Variants in PLCE1 observed in about 807,000 individuals in gnomAD.
PLCE1 encodes phospholipase C epsilon 1.
PLCE1 carries 119 observed loss-of-function variants against 242.8 expected under a neutral mutation model. That is an observed-to-expected ratio of 0.49 (90% confidence interval 0.42 to 0.57). The LOEUF (loss-of-function observed/expected upper bound fraction) is 0.57, where lower values mean the gene tolerates loss of function less well. Ranked by LOEUF, PLCE1 falls within the 20% of genes least tolerant of loss-of-function variation. The pLI is 0.00. For synonymous variants in PLCE1, 945 were observed against 1,017.4 expected, an observed-to-expected ratio of 0.93 and a Z score of 1.35; for missense variants, 2,441 against 2,788.8, an observed-to-expected ratio of 0.88 and a Z score of 2.81.
chr10:94,021,022 G>T (rs2061366847), intron 1 of PLCE1, among the ~76,000 whole-genome samples: 1 of 151,912 alleles, frequency 6.6e-6, no homozygotes, highest in African/African-American at 2.4e-5. Context: ...GTAGAGATGG[G>T]GTTTCACTAT....
chr10:94,282,421 T>A (rs905233434), intron 20 of PLCE1, among the ~76,000 whole-genome samples: 2 of 152,076 alleles, frequency 1.3e-5, no homozygotes, highest in Admixed American at 1.3e-4. Flanking sequence ...GCAGACAAAT[T>A]TGAATTTACA....
rs917645261 is a variant in PLCE1 at position 94,331,189 on chromosome 10, A to G, written c.*3246A>G. ...CTCAACAAAAGTTGAGTTACAAGTG[A>G]CTTGTTTTTAATCAAACTTGCTTTC... On this transcript the variant is annotated 3_prime_UTR_variant, in exon 33 of 33. Coordinates refer to ENST00000371380, the MANE Select transcript of PLCE1 (RefSeq NM_016341.4). 2 of 152,196 alleles carry G rather than the reference A, an allele frequency of 1.3e-5. No individual in the cohort carries two copies. The highest frequency in any genetic ancestry group is 4.8e-5 in the African/African-American group (2 of 41,432). The allele number at this position is 152,196 out of a possible 1,614,324, so 9.4% of individuals were successfully genotyped here.
intron 6 of PLCE1, among the ~76,000 whole-genome samples, chr10:94,234,755 T>G (rs1219387511): frequency 6.6e-6 from 1 of 152,072 alleles, no homozygotes; most frequent in African/African-American, 2.4e-5. Flanking sequence ...TGGAGACGCA[T>G]GTAGAGACAA....
chr10:94,276,151 G>A (rs1329287721), intron 19 of PLCE1, among the ~76,000 whole-genome samples: 1 of 152,174 alleles, frequency 6.6e-6, no homozygotes, highest in East Asian at 1.9e-4. Context: ...ACATGGAGAG[G>A]CCTGTGCCCT....
chr10:94,022,966 C>G (rs2061398356), intron 1 of PLCE1, among the ~76,000 whole-genome samples: 1 of 152,138 alleles, frequency 6.6e-6, no homozygotes, highest in South Asian at 2.1e-4. Context: ...TTTATAAAAC[C>G]CTTTCAGTTT....
intron 2 of PLCE1, among the ~76,000 whole-genome samples, chr10:94,033,346 G>A (rs2061600357): frequency 6.6e-6 from 1 of 151,888 alleles, no homozygotes; most frequent in Non-Finnish European, 1.5e-5. Context: ...TTTTAGCACT[G>A]TAAATTCCAT....
intron 30 of PLCE1, 74 bp downstream of exon 30, chr10:94,322,133 T>C: frequency 7.3e-7 from 1 of 1,376,530 alleles, no homozygotes; most frequent in African/African-American, 1.4e-5. Context: ...TGTGCACTGA[T>C]GGCTCATTTT....
rs2049281445 is a variant in PLCE1, at chr10:94,210,028, A to G, written c.1810-17278A>G. Among the ~76,000 whole-genome samples, 4 of 152,218 alleles carry G rather than the reference A, an allele frequency of 2.6e-5. No individual in the cohort carries two copies. In the South Asian group the frequency reaches 8.3e-4, roughly 32 times the overall value. ...TTAAAGCCAGCACCTCTGACTTCAC[A>G]CCTGGCCTACCCTACGCATCTAGTA... On this transcript the variant is annotated intron_variant, in intron 4 of 32. Coordinates refer to ENST00000371380, the MANE Select transcript of PLCE1 (RefSeq NM_016341.4).
At chr10:94,066,579 T>A (rs2044201532) in intron 2 of PLCE1, among the ~76,000 whole-genome samples, 1 of 152,094 alleles carries the variant, frequency 6.6e-6, no homozygotes, top group South Asian at 2.1e-4. Flanking sequence ...TGTGCGTTAG[T>A]TCAGGACCAA....
In PLCE1 at chr10:94,329,592, A is replaced by G. The variant is rs1337836655; in HGVS notation, c.*1649A>G. On this transcript the variant is annotated 3_prime_UTR_variant, in exon 33 of 33. Coordinates refer to ENST00000371380, the MANE Select transcript of PLCE1 (RefSeq NM_016341.4). ...ACAGAGAATGAGGCCATCCTGGCCA[A>G]CATGGTGAAACCCAATCTCTACTAA... is the stretch of plus-strand genomic sequence containing the variant. 6.6e-6 allele frequency: 1 copy of G among 152,128 alleles called. No individual in the cohort carries two copies. The highest frequency in any genetic ancestry group is 6.5e-5 in the Admixed American group (1 of 15,284). The allele number at this position is 152,128 out of a possible 1,614,324, so 9.4% of individuals were successfully genotyped here. A position where few individuals can be genotyped will look rare whatever the true frequency, so the allele number is the denominator to read the frequency against.
intron 2 of PLCE1, among the ~76,000 whole-genome samples, chr10:94,128,748 T>A (rs2046509269): frequency 6.6e-6 from 1 of 152,178 alleles, no homozygotes; most frequent in African/African-American, 2.4e-5. Context: ...GTTGTAAATA[T>A]CTACATCCGT....
chr10:94,194,627 C>T (rs2048764443), intron 4 of PLCE1, among the ~76,000 whole-genome samples: 2 of 152,216 alleles, frequency 1.3e-5, no homozygotes, highest in Admixed American at 1.3e-4. Context: ...AGATCCAAGG[C>T]TCACCACTTA....
At chr10:94,299,785 T>C (rs954674244) in intron 24 of PLCE1, among the ~76,000 whole-genome samples, 2 of 152,220 alleles carry the variant, frequency 1.3e-5, no homozygotes, top group Non-Finnish European at 2.9e-5. Context: ...TTAGAGATAT[T>C]GGTCACATTT....
chr10:94,313,997 C>T (rs1336681874), intron 28 of PLCE1, among the ~76,000 whole-genome samples: 1 of 152,140 alleles, frequency 6.6e-6, no homozygotes, highest in Non-Finnish European at 1.5e-5. Flanking sequence ...ACCCTGAGAC[C>T]TGTTACCCCA....
chr10:94,169,656 T>G (rs1224360625), intron 3 of PLCE1, among the ~76,000 whole-genome samples: 5 of 152,106 alleles, frequency 3.3e-5, no homozygotes, highest in Non-Finnish European at 7.4e-5. Flanking sequence ...AAGAGGATAG[T>G]GAGTTGTTTA....
intron 4 of PLCE1, among the ~76,000 whole-genome samples, chr10:94,174,181 T>C (rs1043518702): frequency 1.3e-5 from 2 of 152,188 alleles, no homozygotes; most frequent in African/African-American, 4.8e-5. Flanking sequence ...ATGAGGAAAG[T>C]GAAGCTTAGG....
At chr10:94,054,508 T>C (rs1323375903) in intron 2 of PLCE1, among the ~76,000 whole-genome samples, 1 of 152,176 alleles carries the variant, frequency 6.6e-6, no homozygotes, top group Non-Finnish European at 1.5e-5. Context: ...CTAAGGAGCT[T>C]GCTCCCTGAA....
intron 2 of PLCE1, among the ~76,000 whole-genome samples, chr10:94,047,405 T>C (rs2043627596): frequency 6.6e-6 from 1 of 152,018 alleles, no homozygotes; most frequent in African/African-American, 2.4e-5. Context: ...TTCACAGGAG[T>C]CCATGGGATT....
At chr10:94,196,431 C>T (rs898551597) in intron 4 of PLCE1, among the ~76,000 whole-genome samples, 2 of 152,022 alleles carry the variant, frequency 1.3e-5, no homozygotes, top group African/African-American at 2.4e-5. Context: ...GGAGAAGCTC[C>T]GAGGGGAAGA....
Sources: gnomAD v4.1 joint callset for allele counts (sites outside exome capture counted in the v4.1 genomes callset) on GRCh38, gnomAD v4.1.1 for gene constraint, MANE v1.5 for transcripts, NCBI Gene and HGNC (gene_info 2026-07-23, HGNC 2026-07-21) for gene names.